EYS: variants seen among roughly 807,000 people sequenced by gnomAD.
EYS encodes EGF-like photoreceptor maintenance factor.
In EYS, 250 loss-of-function variants were observed where a neutral mutation model predicts 282.1. The observed-to-expected ratio is 0.89, with a 90% CI of 0.80 to 0.98. The LOEUF (loss-of-function observed/expected upper bound fraction) is 0.98. Among genes scored for constraint, EYS ranks in the 50% least tolerant of loss-of-function variants. EYS has a pLI of 0.00. For missense variants in EYS, 4,016 were observed against 3,709.0 expected (o/e 1.08, Z -2.15); for synonymous variants, 1,355 against 1,282.9 (o/e 1.06, Z -1.20).
intron 2 of EYS, among the ~76,000 whole-genome samples, chr6:65,499,966 A>C (rs1216208782): frequency 6.6e-6 from 1 of 151,980 alleles, no homozygotes; most frequent in Non-Finnish European, 1.5e-5. Flanking sequence ...TTTAAAAATG[A>C]GAAAACTTAA....
chr6:64,361,802 C>T (rs956866621), intron 29 of EYS, among the ~76,000 whole-genome samples: 1 of 151,644 alleles, frequency 6.6e-6, no homozygotes. Flanking sequence ...TTTTCATTTT[C>T]CCTCCACTCT....
Position 65,202,993 on chromosome 6 carries a change from C to T in EYS, c.2023+92870G>A, listed in dbSNP as rs191075231. Among the ~76,000 whole-genome samples the T allele has an allele frequency of 1.7e-3, 260 of 152,278 alleles. 2 individuals are homozygous for T. Among genetic ancestry groups the T allele is most frequent in the African/African-American group, 5.9e-3 (246 of 41,570 alleles). On this transcript the variant is annotated intron_variant, in intron 12 of 42. Transcript: ENST00000503581. ...AGAGCCTGGCTGCCAGCTCACCAGACCCAGTGCCGCACAGCTTTGCCCTCT... is the reference window on the plus strand; with the variant it reads ...AGAGCCTGGCTGCCAGCTCACCAGATCCAGTGCCGCACAGCTTTGCCCTCT...
At chr6:64,548,746 T>G (rs1764966037) in intron 26 of EYS, among the ~76,000 whole-genome samples, 1 of 151,948 alleles carries the variant, frequency 6.6e-6, no homozygotes, top group Non-Finnish European at 1.5e-5. Flanking sequence ...AGTTAATGGG[T>G]GCAGCACACC....
chr6:64,569,026 GAAAAAAAAA>G lies in EYS; in HGVS notation c.5644+21188_5644+21196del, dbSNP rs4034162. On this transcript the variant is annotated intron_variant, in intron 26 of 42. Coordinates refer to ENST00000503581, the MANE Select transcript of EYS (RefSeq NM_001142800.2). ...TAGACAAATCCACAAAGATGGAAAA[GAAAAAAAAA>G]AAAAAAAAACAGCAAAAAAAGGCTG... 4.9e-5 allele frequency among the ~76,000 whole-genome samples: 5 copies of G among 101,744 alleles called. 1 individual carries two copies. Among genetic ancestry groups the G allele is most frequent in the African/African-American group, 1.5e-4 (4 of 25,956 alleles). The allele number at this position is 101,744 out of a possible 152,430, so 66.7% of individuals were successfully genotyped here. A position where few individuals can be genotyped will look rare whatever the true frequency, so the allele number is the denominator to read the frequency against.
intron 35 of EYS, among the ~76,000 whole-genome samples, chr6:63,954,010 C>T (rs1765709055): frequency 1.3e-5 from 2 of 152,198 alleles, no homozygotes; most frequent in South Asian, 4.1e-4. Context: ...TTCCTCACAC[C>T]TGATGCATAT....
chr6:64,197,771 T>TG (rs903539091), intron 31 of EYS, among the ~76,000 whole-genome samples: 39 of 65,492 alleles, frequency 6.0e-4, no homozygotes, highest in Middle Eastern at 8.6e-3. Context: ...TTAGGATTGA[T>TG]TTTTTTTTTT....
intron 22 of EYS, among the ~76,000 whole-genome samples, chr6:64,659,139 G>T (rs1211642201): frequency 6.6e-6 from 1 of 151,482 alleles, no homozygotes; most frequent in Admixed American, 6.6e-5. Context: ...ATGACTACTG[G>T]GTACATAACA....
chr6:65,169,638 C>T lies in EYS; in HGVS notation c.2024-111911G>A, dbSNP rs190001974. On this transcript the variant is annotated intron_variant, in intron 12 of 42. Coordinates refer to ENST00000503581, the MANE Select transcript of EYS (RefSeq NM_001142800.2). ...TAAATGTAAAAAATTAAACATAAGA[C>T]TGTGTGGAAACTTTTAAAGGCAAAA... Among the ~76,000 whole-genome samples, 313 of 151,368 alleles carry T rather than the reference C, an allele frequency of 2.1e-3. 2 individuals are homozygous for T. The highest frequency in any genetic ancestry group is 6.9e-3 in the African/African-American group (286 of 41,424).
At chr6:64,162,622 C>T (rs192924878) in intron 31 of EYS, among the ~76,000 whole-genome samples, 25 of 152,226 alleles carry the variant, frequency 1.6e-4, no homozygotes, top group African/African-American at 5.8e-4. Flanking sequence ...TCCTTCTCAA[C>T]CCAATCAGAG....
At chr6:64,928,467 C>T (rs1768588466) in intron 15 of EYS, among the ~76,000 whole-genome samples, 2 of 152,080 alleles carry the variant, frequency 1.3e-5, no homozygotes, top group South Asian at 2.1e-4. Flanking sequence ...TCATTGCCCT[C>T]CCATGCAACA....
intron 14 of EYS, among the ~76,000 whole-genome samples, chr6:64,964,929 A>G (rs1451181217): frequency 6.6e-6 from 1 of 152,120 alleles, no homozygotes; most frequent in African/African-American, 2.4e-5. Flanking sequence ...GCCACTCAGG[A>G]GGCTAAGGCA....
intron 12 of EYS, among the ~76,000 whole-genome samples, chr6:65,163,175 T>C (rs868781061): frequency 6.6e-6 from 1 of 151,396 alleles, no homozygotes; most frequent in Middle Eastern, 3.4e-3. Flanking sequence ...CTTTTTCAAA[T>C]GTTTATTTAC....
chr6:65,113,212 T>C (rs1051977567), intron 12 of EYS, among the ~76,000 whole-genome samples: 1 of 152,002 alleles, frequency 6.6e-6, no homozygotes, highest in African/African-American at 2.4e-5. Context: ...AAAATAATAT[T>C]TGCAGAATCA....
intron 16 of EYS, among the ~76,000 whole-genome samples, chr6:64,904,435 A>T (rs921726214): frequency 6.6e-6 from 1 of 152,224 alleles, no homozygotes; most frequent in Non-Finnish European, 1.5e-5. Flanking sequence ...AACATGCTTC[A>T]TCATTCTTCA....
At chr6:64,871,661 A>G (rs1158592138) in intron 19 of EYS, among the ~76,000 whole-genome samples, 1 of 152,036 alleles carries the variant, frequency 6.6e-6, no homozygotes, top group Non-Finnish European at 1.5e-5. Context: ...TCAACACCAT[A>G]CTAAACACAA....
chr6:64,734,697 T>A (rs1002567747), intron 22 of EYS, among the ~76,000 whole-genome samples: 5 of 152,120 alleles, frequency 3.3e-5, no homozygotes, highest in African/African-American at 1.2e-4. Flanking sequence ...CTAGAAAGTG[T>A]GTATATGCTC....
intron 1 of EYS, among the ~76,000 whole-genome samples, chr6:65,663,704 C>T (rs908464563): frequency 2.0e-5 from 3 of 151,846 alleles, no homozygotes; most frequent in East Asian, 1.9e-4. Flanking sequence ...TTTTTTGAGA[C>T]GGAGTCTCGC....
chr6:64,004,113 C>CCT, intron 33 of EYS, among the ~76,000 whole-genome samples: 1 of 152,138 alleles, frequency 6.6e-6, no homozygotes, highest in Middle Eastern at 3.4e-3. Flanking sequence ...GTTAAGCAGT[C>CCT]CTCTAAATTT....
rs1208512439 is a variant in EYS, at chr6:65,495,599, T to C, written c.-189A>G. 1 of 619,580 alleles carries C rather than the reference T, an allele frequency of 1.6e-6. No homozygotes were observed. Among genetic ancestry groups the C allele is most frequent in the East Asian group, 2.7e-5 (1 of 36,626 alleles). The allele number at this position is 619,580 out of a possible 1,614,324, so 38.4% of individuals were successfully genotyped here. A position where few individuals can be genotyped will look rare whatever the true frequency, so the allele number is the denominator to read the frequency against. ...TGGAGAAACAGGAATTCAAATGTTG[T>C]AAATATTCCTTTAAACAGAAAAAAA... On this transcript the variant is annotated 5_prime_UTR_variant, in exon 4 of 43. Coordinates refer to ENST00000503581, the MANE Select transcript of EYS (RefSeq NM_001142800.2).
Sources: allele counts gnomAD v4.1 joint callset (sites outside exome capture counted in the v4.1 genomes callset), GRCh38; gene constraint gnomAD v4.1.1; transcripts MANE v1.5; gene names NCBI Gene and HGNC (gene_info 2026-07-23, HGNC 2026-07-21).